Variants in CNTNAP5 observed in about 807,000 individuals in gnomAD.
CNTNAP5 encodes the protein contactin-associated protein-like 5.
A neutral mutation model predicts 150.2 loss-of-function variants in CNTNAP5; 72 were observed. The observed-to-expected ratio is 0.48, with a 90% CI of 0.40 to 0.58. CNTNAP5 has a LOEUF of 0.58. CNTNAP5 is among the 20% of genes least tolerant of loss of function. CNTNAP5 has a pLI of 0.00. For synonymous variants in CNTNAP5, 672 were observed against 619.8 expected (o/e 1.08, Z -1.25); for missense variants, 1,636 against 1,626.2 (o/e 1.01, Z -0.10).
intron 1 of CNTNAP5, among the ~76,000 whole-genome samples, chr2:124,175,741 G>T (rs1685049355): frequency 6.6e-6 from 1 of 152,188 alleles, no homozygotes; most frequent in African/African-American, 2.4e-5. Flanking sequence ...CTACATCCAT[G>T]TTGCTGCAGA....
At chr2:124,661,246 T>C (rs1207001275) in intron 13 of CNTNAP5, among the ~76,000 whole-genome samples, 5 of 152,186 alleles carry the variant, frequency 3.3e-5, no homozygotes, top group Admixed American at 3.3e-4. Context: ...TCTTTTATAA[T>C]AACACAACTG....
intron 7 of CNTNAP5, among the ~76,000 whole-genome samples, chr2:124,476,314 C>T (rs1305210079): frequency 6.6e-6 from 1 of 152,096 alleles, no homozygotes; most frequent in African/African-American, 2.4e-5. Context: ...TGCATTTACT[C>T]ATATTTTTGC....
At chr2:124,593,130 A>ATTTT (rs370992728) in intron 11 of CNTNAP5, among the ~76,000 whole-genome samples, 1 of 100,244 alleles carries the variant, frequency 1.0e-5, no homozygotes, top group South Asian at 3.3e-4. Context: ...TTTATTTATT[A>ATTTT]TTATTATTAT....
At chr2:124,202,103 T>A (rs190658173) in intron 1 of CNTNAP5, among the ~76,000 whole-genome samples, 59 of 152,306 alleles carry the variant, frequency 3.9e-4, no homozygotes, top group African/African-American at 1.4e-3. Context: ...AATATCAGGA[T>A]ATTTATGCTG....
intron 3 of CNTNAP5, among the ~76,000 whole-genome samples, chr2:124,274,860 C>T (rs996672900): frequency 5.3e-5 from 8 of 152,134 alleles, no homozygotes; most frequent in Non-Finnish European, 1.0e-4. Flanking sequence ...GGCCATCTGA[C>T]TTCTTTAAGC....
intron 3 of CNTNAP5, among the ~76,000 whole-genome samples, chr2:124,390,962 G>C (rs561623230): frequency 6.6e-6 from 1 of 152,254 alleles, no homozygotes; most frequent in Non-Finnish European, 1.5e-5. Flanking sequence ...GTTAGACATG[G>C]GTTCAGAGAA....
chr2:124,666,619 G>T (rs1031129172), intron 13 of CNTNAP5, among the ~76,000 whole-genome samples: 2 of 152,190 alleles, frequency 1.3e-5, no homozygotes, highest in South Asian at 2.1e-4. Context: ...GGGGCGAGGG[G>T]TCTCTTCAGA....
chr2:124,817,875 G>A lies in CNTNAP5; in HGVS notation c.3217+19555G>A, dbSNP rs942528301. ...TGGCCTGGGGGTAAATAAAAAGGAGGTGCATTGCAGATAATTTTAAAACAA... is the reference window on the plus strand; with the variant it reads ...TGGCCTGGGGGTAAATAAAAAGGAGATGCATTGCAGATAATTTTAAAACAA... On this transcript the variant is annotated intron_variant, in intron 19 of 23. Transcript: ENST00000682447. Among the ~76,000 whole-genome samples, 5 of 152,114 alleles carry A rather than the reference G, an allele frequency of 3.3e-5. No individual in the cohort carries two copies. The East Asian group carries it at 5.8e-4, about 18-fold the overall frequency.
chr2:124,437,579 C>T (rs968731719), intron 5 of CNTNAP5, among the ~76,000 whole-genome samples: 3 of 152,166 alleles, frequency 2.0e-5, no homozygotes, highest in South Asian at 2.1e-4. Context: ...ACTCTTACAA[C>T]CTGGTTATCT....
intron 20 of CNTNAP5, among the ~76,000 whole-genome samples, chr2:124,868,263 C>A (rs1228050255): frequency 6.6e-6 from 1 of 152,120 alleles, no homozygotes; most frequent in Non-Finnish European, 1.5e-5. Flanking sequence ...GAGAAAAAGT[C>A]AAAGGTCTTC....
Position 124,267,114 on chromosome 2 carries a change from C to A in CNTNAP5, c.381+24721C>A, listed in dbSNP as rs1010541473. ...AAGATTCATAATTTTTAAAGACTGC[C>A]TGCCCCTGAATGGAATATGCAGGCT... On this transcript the variant is annotated intron_variant, in intron 3 of 23. Coordinates refer to ENST00000682447, the MANE Select transcript of CNTNAP5 (RefSeq NM_001367498.1). 4.6e-5 allele frequency among the ~76,000 whole-genome samples: 7 copies of A among 152,010 alleles called. No homozygotes were observed. The East Asian group carries it at 5.8e-4, about 13-fold the overall frequency.
At chr2:124,382,358 G>A (rs1030855217) in intron 3 of CNTNAP5, among the ~76,000 whole-genome samples, 3 of 152,078 alleles carry the variant, frequency 2.0e-5, no homozygotes, top group Non-Finnish European at 4.4e-5. Flanking sequence ...AGCTAAGTGT[G>A]GGGGTGAGGA....
rs530651025 is a variant in CNTNAP5 at position 124,738,866 on chromosome 2, C to T, written c.2078-8363C>T. On this transcript the variant is annotated intron_variant, in intron 13 of 23. Coordinates refer to ENST00000682447, the MANE Select transcript of CNTNAP5 (RefSeq NM_001367498.1). The stretch of plus-strand genomic sequence containing the variant: ...TGTAGCCCACATTTTGCTCAGTCAT[C>T]GTGTTACTCTGTCATTTAACCTTAC... Among the ~76,000 whole-genome samples, 19 of 152,292 alleles carry T rather than the reference C, an allele frequency of 1.2e-4. No homozygotes were observed. In the East Asian group the frequency reaches 3.7e-3, roughly 29 times the overall value.
chr2:124,702,836 C>T (rs866295325), intron 13 of CNTNAP5, among the ~76,000 whole-genome samples: 34 of 152,104 alleles, frequency 2.2e-4, no homozygotes, highest in African/African-American at 7.0e-4. Flanking sequence ...GATTTATTTG[C>T]CCTTTTCTCT....
At chr2:124,909,024 G>T (rs1303599252) in intron 22 of CNTNAP5, among the ~76,000 whole-genome samples, 1 of 151,998 alleles carries the variant, frequency 6.6e-6, no homozygotes, top group Non-Finnish European at 1.5e-5. Flanking sequence ...GTAAGCTAAG[G>T]ATAATTTATT....
At chr2:124,179,586 A>G (rs183953932) in intron 1 of CNTNAP5, among the ~76,000 whole-genome samples, 1 of 152,318 alleles carries the variant, frequency 6.6e-6, no homozygotes, top group East Asian at 1.9e-4. Flanking sequence ...TTTTTCTTAG[A>G]GTGATTACAT....
chr2:124,571,241 G>A (rs1696145583), intron 11 of CNTNAP5, among the ~76,000 whole-genome samples: 1 of 152,142 alleles, frequency 6.6e-6, no homozygotes, highest in Non-Finnish European at 1.5e-5. Context: ...AAACTCTGGA[G>A]GGAGGTCCAT....
rs566031523 is a variant in CNTNAP5, at chr2:124,119,042, T to A, written c.82+93310T>A. Among the ~76,000 whole-genome samples the A allele has an allele frequency of 3.7e-4, 56 of 152,248 alleles. 1 individual carries two copies. The South Asian group carries it at 5.4e-3, about 15-fold the overall frequency. On this transcript the variant is annotated intron_variant, in intron 1 of 23. Coordinates refer to ENST00000682447, the MANE Select transcript of CNTNAP5 (RefSeq NM_001367498.1). ...TTTCTGTTGGTGGATCAGACCAAGC[T>A]CTTTAGGGCCGTTGCACTTAGTGTT...
At chr2:124,276,962 A>G in intron 3 of CNTNAP5, among the ~76,000 whole-genome samples, 1 of 152,076 alleles carries the variant, frequency 6.6e-6, no homozygotes, top group African/African-American at 2.4e-5. Flanking sequence ...CTCAGCAAAC[A>G]TCAGTGGGTG....
Sources: gnomAD v4.1 joint callset for allele counts (sites outside exome capture counted in the v4.1 genomes callset) on GRCh38, gnomAD v4.1.1 for gene constraint, MANE v1.5 for transcripts, NCBI Gene and HGNC (gene_info 2026-07-23, HGNC 2026-07-21) for gene names.